The following PINX1 variants were observed in gnomAD, a reference collection of about 807,000 sequenced individuals.
PINX1 encodes PIN2/TERF1-interacting telomerase inhibitor 1.
In PINX1, 34 loss-of-function variants were observed where a neutral mutation model predicts 25.4. The observed-to-expected ratio is 1.34, with a 90% CI of 1.02 to 1.78. The LOEUF (loss-of-function observed/expected upper bound fraction) is 1.78, where lower values mean the gene tolerates loss of function less well. Among genes scored for constraint, PINX1 ranks in the 40% most tolerant of loss-of-function variants. The pLI, the probability that PINX1 is intolerant of heterozygous loss-of-function variation, is 0.00. For missense variants in PINX1, 592 were observed against 404.9 expected, an observed-to-expected ratio of 1.46 and a Z score of -3.97; for synonymous variants, 197 against 147.7, an observed-to-expected ratio of 1.33 and a Z score of -2.42.
chr8:10,773,214 A>C (rs939747541), intron 6 of PINX1, among the ~76,000 whole-genome samples: 2 of 152,174 alleles, frequency 1.3e-5, no homozygotes, highest in African/African-American at 4.8e-5. Context: ...CACACACAAT[A>C]TACCTTTATA....
At chr8:10,774,525 C>T (rs1433733905) in intron 6 of PINX1, among the ~76,000 whole-genome samples, 2 of 152,210 alleles carry the variant, frequency 1.3e-5, no homozygotes, top group African/African-American at 4.8e-5. Flanking sequence ...AGGTGATCCA[C>T]CCGCCTCGGC....
intron 6 of PINX1, among the ~76,000 whole-genome samples, chr8:10,778,890 G>C (rs1336879699): frequency 6.6e-6 from 1 of 152,142 alleles, no homozygotes; most frequent in East Asian, 1.9e-4. Context: ...GTAAGTTTTT[G>C]CAAAAATGAC....
At chr8:10,792,531 G>C (rs1189756340) in intron 6 of PINX1, among the ~76,000 whole-genome samples, 1 of 152,050 alleles carries the variant, frequency 6.6e-6, no homozygotes, top group Non-Finnish European at 1.5e-5. Flanking sequence ...AGAGCGCCTG[G>C]CACCCGCCAT....
At chr8:10,835,155 C>T (rs1486811966) in intron 1 of PINX1, among the ~76,000 whole-genome samples, 1 of 152,206 alleles carries the variant, frequency 6.6e-6, no homozygotes, top group Non-Finnish European at 1.5e-5. Context: ...TTACAGCTTC[C>T]ATTGCCATGC....
intron 6 of PINX1, among the ~76,000 whole-genome samples, chr8:10,804,597 T>G (rs1419642037): frequency 1.3e-5 from 2 of 152,034 alleles, no homozygotes; most frequent in Admixed American, 6.5e-5. Flanking sequence ...AAGGATGCCC[T>G]GCAAGTAGGA....
chr8:10,836,048 A>G (rs1481794845), intron 1 of PINX1, among the ~76,000 whole-genome samples: 2 of 152,192 alleles, frequency 1.3e-5, no homozygotes, highest in African/African-American at 2.4e-5. Flanking sequence ...CCACATCAAT[A>G]TAAGCACATT....
At chr8:10,804,396 G>C (rs760957280) in intron 6 of PINX1, among the ~76,000 whole-genome samples, 3 of 152,164 alleles carry the variant, frequency 2.0e-5, no homozygotes. Flanking sequence ...AGCTGGGTGA[G>C]AAGAGCCCCG....
chr8:10,813,086 C>A (rs1182942675), intron 6 of PINX1, among the ~76,000 whole-genome samples: 1 of 152,146 alleles, frequency 6.6e-6, no homozygotes, highest in Non-Finnish European at 1.5e-5. Flanking sequence ...AAAATGATGA[C>A]AAGAATTACT....
chr8:10,769,953 A>G (rs1228293029), intron 6 of PINX1, among the ~76,000 whole-genome samples: 1 of 152,272 alleles, frequency 6.6e-6, no homozygotes, highest in African/African-American at 2.4e-5. Flanking sequence ...TGCAGAAAAA[A>G]TATCCACAGA....
rs188395548 is a variant in PINX1, at chr8:10,802,813, T to C, written c.471+17380A>G. Among the ~76,000 whole-genome samples, 139 of 152,296 alleles carry C rather than the reference T, an allele frequency of 9.1e-4. 1 individual carries two copies. Among genetic ancestry groups the C allele is most frequent in the African/African-American group, 3.1e-3 (128 of 41,554 alleles). ...ATTATATTCCAGTAAAGAACCAAGATATGGATTCTCCTGGGACAACTATCT... is the reference window on the plus strand; with the variant it reads ...ATTATATTCCAGTAAAGAACCAAGACATGGATTCTCCTGGGACAACTATCT... On this transcript the variant is annotated intron_variant, in intron 6 of 6. Transcript: ENST00000314787.
chr8:10,771,977 T>G (rs1219733078), intron 6 of PINX1, among the ~76,000 whole-genome samples: 1 of 152,240 alleles, frequency 6.6e-6, no homozygotes, highest in African/African-American at 2.4e-5. Context: ...CCTTCTGCTC[T>G]GTCATTCCAC....
At chr8:10,767,353 G>A (rs1377044122) in intron 6 of PINX1, among the ~76,000 whole-genome samples, 1 of 152,006 alleles carries the variant, frequency 6.6e-6, no homozygotes, top group African/African-American at 2.4e-5. Context: ...TGTATCAATG[G>A]ACAATTGGGC....
chr8:10,774,070 T>G (rs1310433930), intron 6 of PINX1, among the ~76,000 whole-genome samples: 1 of 152,190 alleles, frequency 6.6e-6, no homozygotes, highest in African/African-American at 2.4e-5. Context: ...ACAAACAGCT[T>G]TGATAAACAG....
intron 6 of PINX1, among the ~76,000 whole-genome samples, chr8:10,810,227 A>G (rs969746473): frequency 1.3e-5 from 2 of 152,260 alleles, no homozygotes; most frequent in Non-Finnish European, 2.9e-5. Context: ...CGTCCAAACC[A>G]TATCAGAAGC....
intron 6 of PINX1, among the ~76,000 whole-genome samples, chr8:10,814,879 C>T (rs190792366): frequency 6.6e-6 from 1 of 152,186 alleles, no homozygotes; most frequent in Non-Finnish European, 1.5e-5. Flanking sequence ...AAGGTGTTCG[C>T]TAGCCAGTGT....
At chr8:10,813,076 A>C (rs1163342836) in intron 6 of PINX1, among the ~76,000 whole-genome samples, 1 of 152,266 alleles carries the variant, frequency 6.6e-6, no homozygotes, top group Non-Finnish European at 1.5e-5. Context: ...ATCAATGGTC[A>C]AAATGATGAC....
chr8:10,809,280 AT>A (rs1802550979), intron 6 of PINX1, among the ~76,000 whole-genome samples: 1 of 152,218 alleles, frequency 6.6e-6, no homozygotes, highest in Non-Finnish European at 1.5e-5. Flanking sequence ...TCCTCTACCA[AT>A]AAAGAGAAAG....
intron 6 of PINX1, among the ~76,000 whole-genome samples, chr8:10,771,851 T>C (rs1188004472): frequency 6.6e-6 from 1 of 152,244 alleles, no homozygotes; most frequent in Non-Finnish European, 1.5e-5. Context: ...TGCCTCGTGA[T>C]GCAAACTGCT....
At chr8:10,769,966 T>G (rs866787492) in intron 6 of PINX1, among the ~76,000 whole-genome samples, 1 of 152,104 alleles carries the variant, frequency 6.6e-6, no homozygotes, top group Non-Finnish European at 1.5e-5. Flanking sequence ...TCCACAGAAA[T>G]AGTACTTTCA....
Sources: allele counts gnomAD v4.1 joint callset (sites outside exome capture counted in the v4.1 genomes callset), GRCh38; gene constraint gnomAD v4.1.1; transcripts MANE v1.5; gene names NCBI Gene and HGNC (gene_info 2026-07-23, HGNC 2026-07-21).